Variants in AGO2 observed in about 807,000 individuals in gnomAD.
AGO2 encodes argonaute RISC catalytic component 2.
Under a neutral mutation model 102.3 loss-of-function variants are expected in AGO2, and 5 were observed. The observed-to-expected ratio is 0.05, with a 90% CI of 0.03 to 0.10. AGO2 has a LOEUF of 0.10. Among genes scored for constraint, AGO2 ranks in the 10% least tolerant of loss-of-function variants. The pLI, the probability that AGO2 is intolerant of heterozygous loss-of-function variation, is 1.00. For synonymous variants in AGO2, 449 were observed against 473.1 expected, an observed-to-expected ratio of 0.95 and a Z score of 0.66; for missense variants, 541 against 1,183.7, an observed-to-expected ratio of 0.46 and a Z score of 7.97.
chr8:140,572,679 T>C (rs943007150), intron 3 of AGO2, 133 bp downstream of exon 3: 17 of 1,269,964 alleles, frequency 1.3e-5, no homozygotes, highest in Admixed American at 2.7e-5. Context: ...GGACGAAGCA[T>C]GTGGCAGTGA....
chr8:140,636,019 C>T (rs536471639), upstream of AGO2, among the ~76,000 whole-genome samples: 1 of 150,406 alleles, frequency 6.6e-6, no homozygotes, highest in Non-Finnish European at 1.5e-5. Flanking sequence ...CCGGCTGTGC[C>T]GCCGGAGCCG....
Position 140,607,073 on chromosome 8 carries a change from A to T in AGO2, c.23-21762T>A, listed in dbSNP as rs149579962. Among the ~76,000 whole-genome samples the T allele has an allele frequency of 8.1e-3, 1,231 of 152,188 alleles. 8 individuals carry two copies. The highest frequency in any genetic ancestry group is 0.013 in the Non-Finnish European group (913 of 68,008). On this transcript the variant is annotated intron_variant, in intron 1 of 18. Coordinates refer to ENST00000220592, the MANE Select transcript of AGO2 (RefSeq NM_012154.5). ...GAGACCAGCCTGACCAACATGGAGA[A>T]ACCCCGTCTCTACTAAAAATACGAA...
intron 14 of AGO2, among the ~76,000 whole-genome samples, chr8:140,542,810 ATGCGG>A (rs923445474): frequency 1.3e-5 from 2 of 152,204 alleles, no homozygotes; most frequent in African/African-American, 4.8e-5. Context: ...GGTGACAGCC[ATGCGG>A]TGCTTCCCCA....
At chr8:140,603,822 C>CCG (rs1378959094) in intron 1 of AGO2, among the ~76,000 whole-genome samples, 2 of 152,272 alleles carry the variant, frequency 1.3e-5, no homozygotes, top group African/African-American at 4.8e-5. Flanking sequence ...AACTGTGCGG[C>CCG]CTCTTCCACA....
rs2073302962 is a variant in AGO2 at position 140,567,286 on chromosome 8, T to A, written c.337-4652A>T. On this transcript the variant is annotated intron_variant, in intron 3 of 18. Coordinates refer to ENST00000220592, the MANE Select transcript of AGO2 (RefSeq NM_012154.5). This position sits in a 1 kb window ranked among gnomAD's most constrained non-coding sequence, Gnocchi z 5.0. ...TCGTGTGTGGCAGCTTAGGGCTGCA[T>A]GGAGATTTTACGACGGCCATCACGC... 6.6e-6 allele frequency among the ~76,000 whole-genome samples: 1 copy of A among 152,222 alleles called. No individual in the cohort carries two copies. Among genetic ancestry groups the A allele is most frequent in the African/African-American group, 2.4e-5 (1 of 41,470 alleles).
intron 1 of AGO2, among the ~76,000 whole-genome samples, chr8:140,585,833 C>G (rs1181184319): frequency 6.6e-6 from 1 of 152,062 alleles, no homozygotes; most frequent in East Asian, 1.9e-4. Context: ...AAAAGACAAC[C>G]CTTCTCCATT....
intron 1 of AGO2, among the ~76,000 whole-genome samples, chr8:140,599,751 C>T (rs758937229): frequency 2.0e-5 from 3 of 152,190 alleles, no homozygotes; most frequent in Non-Finnish European, 4.4e-5. Flanking sequence ...AGACAAGGTT[C>T]TCAGTCTGTC....
chr8:140,580,107 A>C (rs1279479539), intron 2 of AGO2, among the ~76,000 whole-genome samples: 1 of 152,190 alleles, frequency 6.6e-6, no homozygotes, highest in Non-Finnish European at 1.5e-5. Context: ...CCTTGCCCCC[A>C]TTCTTTCTCG....
chr8:140,538,926 C>A (rs2072743706), intron 16 of AGO2, among the ~76,000 whole-genome samples: 1 of 152,006 alleles, frequency 6.6e-6, no homozygotes, highest in African/African-American at 2.4e-5. Flanking sequence ...AATAGTGAGA[C>A]CCTGTCTCTA....
At chr8:140,573,175 T>C (rs2132978835) in intron 2 of AGO2, among the ~76,000 whole-genome samples, 1 of 151,836 alleles carries the variant, frequency 6.6e-6, no homozygotes, top group Non-Finnish European at 1.5e-5. Flanking sequence ...GCTAATTTTT[T>C]CTTTTTTTTT....
intron 3 of AGO2, among the ~76,000 whole-genome samples, chr8:140,571,040 A>C (rs2073369870): frequency 6.6e-6 from 1 of 152,214 alleles, no homozygotes; most frequent in African/African-American, 2.4e-5. Flanking sequence ...CTTTAAAATG[A>C]CTACATTTCA....
At chr8:140,537,767 A>G (rs1289876608) in intron 16 of AGO2, among the ~76,000 whole-genome samples, 3 of 152,040 alleles carry the variant, frequency 2.0e-5, no homozygotes, top group Admixed American at 6.6e-5. Context: ...GGTACATTCA[A>G]GCTCATTAGT....
At chr8:140,553,513 G>A (rs2073041278) in intron 10 of AGO2, among the ~76,000 whole-genome samples, 2 of 149,894 alleles carry the variant, frequency 1.3e-5, no homozygotes, top group East Asian at 2.0e-4. Flanking sequence ...GGGTTCAAGC[G>A]ATTCTCCTGA....
chr8:140,632,965 T>G (rs934279656), intron 1 of AGO2, among the ~76,000 whole-genome samples: 2 of 151,252 alleles, frequency 1.3e-5, no homozygotes, highest in Non-Finnish European at 2.9e-5. Flanking sequence ...CAGGCTGGAG[T>G]GCAGTGGCGC....
rs1157594164 is a variant in AGO2, at chr8:140,529,461, A to C, written c.*2583T>G. On this transcript the variant is annotated 3_prime_UTR_variant, in exon 19 of 19. Coordinates refer to ENST00000220592, the MANE Select transcript of AGO2 (RefSeq NM_012154.5). ...ATGTACAAAGGTGTGCAGCTGACCC[A>C]GCTGGAGATGTTTGGTCTATTAATG... The C allele has an allele frequency of 2.0e-5, 3 of 152,262 alleles. No homozygotes were observed. The highest frequency in any genetic ancestry group is 4.4e-5 in the Non-Finnish European group (3 of 68,058). 9.4% of individuals were successfully genotyped at this position (152,262 alleles called of 1,614,324 possible). A position where few individuals can be genotyped will look rare whatever the true frequency, so the allele number is the denominator to read the frequency against.
intron 1 of AGO2, among the ~76,000 whole-genome samples, chr8:140,594,169 G>T (rs1371544635): frequency 2.6e-5 from 4 of 152,186 alleles, no homozygotes; most frequent in Non-Finnish European, 5.9e-5. Context: ...CCCTGAATGG[G>T]CAGGCAAGCC....
intron 1 of AGO2, among the ~76,000 whole-genome samples, chr8:140,625,640 C>T (rs2074266310): frequency 6.6e-6 from 1 of 152,210 alleles, no homozygotes; most frequent in Non-Finnish European, 1.5e-5. Flanking sequence ...ATATCCTTTG[C>T]AAAGCTTCCC....
At chr8:140,587,518 G>A (rs922761347) in intron 1 of AGO2, among the ~76,000 whole-genome samples, 2 of 152,324 alleles carry the variant, frequency 1.3e-5, no homozygotes, top group Middle Eastern at 3.4e-3. Flanking sequence ...GGAGTCCCAC[G>A]TGTAAGCTGC....
At chr8:140,549,988 C>T (rs1304922035) in intron 11 of AGO2, among the ~76,000 whole-genome samples, 1 of 152,202 alleles carries the variant, frequency 6.6e-6, no homozygotes, top group African/African-American at 2.4e-5. Context: ...ATTTCCTGTA[C>T]ATTAGATCAG....
Sources: gnomAD v4.1 joint callset for allele counts (sites outside exome capture counted in the v4.1 genomes callset) on GRCh38, gnomAD v4.1.1 for gene constraint, Gnocchi (gnomAD v3.1) non-coding constraint, MANE v1.5 for transcripts, NCBI Gene and HGNC (gene_info 2026-07-23, HGNC 2026-07-21) for gene names.